Variants in NKAIN2 observed in about 807,000 individuals in gnomAD.
NKAIN2 encodes sodium/potassium-transporting ATPase subunit beta-1-interacting protein 2.
Under a neutral mutation model 32.6 loss-of-function variants are expected in NKAIN2, and 14 were observed. That is an observed-to-expected ratio of 0.43 (90% CI 0.28 to 0.67). The LOEUF (loss-of-function observed/expected upper bound fraction) is 0.67, where lower values mean the gene tolerates loss of function less well. Ranked by LOEUF, NKAIN2 falls within the 30% of genes least tolerant of loss-of-function variation. The pLI, the probability that NKAIN2 is intolerant of heterozygous loss-of-function variation, is 0.17. For synonymous variants in NKAIN2, 80 were observed against 87.2 expected, an observed-to-expected ratio of 0.92 and a Z score of 0.46; for missense variants, 198 against 258.3, an observed-to-expected ratio of 0.77 and a Z score of 1.60.
At chr6:124,537,259 T>C (rs1269719952) in intron 3 of NKAIN2, among the ~76,000 whole-genome samples, 1 of 152,228 alleles carries the variant, frequency 6.6e-6, no homozygotes, top group Non-Finnish European at 1.5e-5. Flanking sequence ...AAATTAAAGT[T>C]CCTCAAATCA....
intron 1 of NKAIN2, among the ~76,000 whole-genome samples, chr6:124,162,916 G>A (rs1788348657): frequency 6.6e-6 from 1 of 152,058 alleles, no homozygotes; most frequent in South Asian, 2.1e-4. Context: ...AAACAGGAAT[G>A]TTCTTAATTT....
intron 1 of NKAIN2, among the ~76,000 whole-genome samples, chr6:124,077,241 C>G (rs868772759): frequency 6.6e-6 from 1 of 152,198 alleles, no homozygotes; most frequent in African/African-American, 2.4e-5. Context: ...GTGAACCACT[C>G]CCACACATAC....
At chr6:123,897,740 A>G (rs985486354) in intron 1 of NKAIN2, among the ~76,000 whole-genome samples, 21 of 152,128 alleles carry the variant, frequency 1.4e-4, no homozygotes, top group Middle Eastern at 3.4e-3. Flanking sequence ...GTGCTCATAA[A>G]TACCTGTTGA....
At chr6:124,080,563 A>G (rs999744524) in intron 1 of NKAIN2, among the ~76,000 whole-genome samples, 5 of 152,108 alleles carry the variant, frequency 3.3e-5, no homozygotes, top group African/African-American at 1.2e-4. Flanking sequence ...GTTGTTTGTA[A>G]TAATCCCTTG....
intron 1 of NKAIN2, among the ~76,000 whole-genome samples, chr6:123,880,606 G>A (rs1361264930): frequency 2.0e-5 from 3 of 152,112 alleles, no homozygotes; most frequent in Non-Finnish European, 4.4e-5. Flanking sequence ...GGGCCTTAAT[G>A]TATTAAAAGG....
At chr6:124,020,794 A>T (rs1780828313) in intron 1 of NKAIN2, among the ~76,000 whole-genome samples, 1 of 152,160 alleles carries the variant, frequency 6.6e-6, no homozygotes, top group African/African-American at 2.4e-5. Flanking sequence ...CATTTGCATC[A>T]TTAGAACACA....
intron 1 of NKAIN2, among the ~76,000 whole-genome samples, chr6:123,898,427 A>C (rs1198544226): frequency 6.6e-6 from 1 of 152,230 alleles, no homozygotes; most frequent in Admixed American, 6.5e-5. Flanking sequence ...ATGAAAATAC[A>C]TAAGCAGCAG....
At chr6:124,536,466 G>A (rs78314020) in intron 3 of NKAIN2, among the ~76,000 whole-genome samples, 6 of 151,960 alleles carry the variant, frequency 3.9e-5, no homozygotes, top group Admixed American at 2.0e-4. Context: ...GTTCTAGGGG[G>A]TCTCATGCCC....
At chr6:124,738,151 C>G (rs1411918174) in intron 4 of NKAIN2, among the ~76,000 whole-genome samples, 5 of 151,934 alleles carry the variant, frequency 3.3e-5, no homozygotes, top group African/African-American at 7.2e-5. Context: ...TTAGTATCAA[C>G]TTAGAATATT....
In NKAIN2 at chr6:123,965,818, C is replaced by T. The variant is rs893063761; in HGVS notation, c.54+161564C>T. The stretch of plus-strand genomic sequence containing the variant: ...GAATTCACAACTTAATTTGTTTTGG[C>T]ATCTCTTATTGAATCTATTCTTAAA... On this transcript the variant is annotated intron_variant, in intron 1 of 6. Transcript: ENST00000368417. Among the ~76,000 whole-genome samples, 10 of 152,316 alleles carry T rather than the reference C, an allele frequency of 6.6e-5. No homozygotes were observed. In the East Asian group the frequency reaches 1.2e-3, roughly 18 times the overall value.
At chr6:124,160,920 T>C (rs1562393205) in intron 1 of NKAIN2, among the ~76,000 whole-genome samples, 1 of 152,138 alleles carries the variant, frequency 6.6e-6, no homozygotes, top group Admixed American at 6.6e-5. Context: ...AAATATTCTG[T>C]GGTAAAAGTT....
At chr6:124,276,971 C>T (rs748358847) in intron 1 of NKAIN2, among the ~76,000 whole-genome samples, 2 of 152,122 alleles carry the variant, frequency 1.3e-5, no homozygotes, top group Non-Finnish European at 2.9e-5. Flanking sequence ...AAATTAGCAG[C>T]TTTACCAAAG....
At chr6:123,984,484 C>T (rs923556480) in intron 1 of NKAIN2, among the ~76,000 whole-genome samples, 1 of 151,944 alleles carries the variant, frequency 6.6e-6, no homozygotes, top group Non-Finnish European at 1.5e-5. Flanking sequence ...CAGTATATTA[C>T]TGTTTTACCA....
At chr6:124,655,459 C>T (rs906731016) in intron 3 of NKAIN2, among the ~76,000 whole-genome samples, 1 of 152,114 alleles carries the variant, frequency 6.6e-6, no homozygotes, top group African/African-American at 2.4e-5. Context: ...ATGATCACTT[C>T]TGATTACCAT....
At chr6:124,607,015 T>C (rs989168842) in intron 3 of NKAIN2, among the ~76,000 whole-genome samples, 3 of 152,102 alleles carry the variant, frequency 2.0e-5, no homozygotes, top group African/African-American at 7.2e-5. Context: ...ATGAAGAGAA[T>C]TGAAAATATG....
intron 5 of NKAIN2, among the ~76,000 whole-genome samples, chr6:124,794,023 C>T (rs1779886896): frequency 6.6e-6 from 1 of 152,128 alleles, no homozygotes. Context: ...GGTAGGAAGG[C>T]TTATTAGGAT....
At chr6:123,940,397 C>A (rs1233750867) in intron 1 of NKAIN2, among the ~76,000 whole-genome samples, 1 of 151,680 alleles carries the variant, frequency 6.6e-6, no homozygotes, top group Non-Finnish European at 1.5e-5. Context: ...CACACACACA[C>A]ACAGTCATGC....
intron 1 of NKAIN2, among the ~76,000 whole-genome samples, chr6:123,807,580 A>G (rs1175329713): frequency 2.0e-5 from 3 of 152,052 alleles, no homozygotes; most frequent in African/African-American, 7.2e-5. Context: ...GTTTTCCCCA[A>G]TGTTTGATTG....
At chr6:123,936,611 T>C (rs1028322871) in intron 1 of NKAIN2, among the ~76,000 whole-genome samples, 1 of 152,098 alleles carries the variant, frequency 6.6e-6, no homozygotes, top group African/African-American at 2.4e-5. Flanking sequence ...ATAAAGATAA[T>C]GTATTAAGTC....
Sources: allele counts gnomAD v4.1 joint callset (sites outside exome capture counted in the v4.1 genomes callset), GRCh38; gene constraint gnomAD v4.1.1; transcripts MANE v1.5; gene names NCBI Gene and HGNC (gene_info 2026-07-23, HGNC 2026-07-21).